Variants in FAAH2 observed in about 807,000 individuals in gnomAD.
The protein encoded by FAAH2 is fatty-acid amide hydrolase 2.
FAAH2 carries 60 observed loss-of-function variants against 36.9 expected under a neutral mutation model. The observed-to-expected ratio is 1.63, with a 90% confidence interval of 1.32 to 2.02. The LOEUF is 2.02. Ranked by LOEUF, FAAH2 falls within the 30% of genes most tolerant of loss-of-function variation. The pLI, the probability that FAAH2 is intolerant of heterozygous loss-of-function variation, is 0.00. For missense variants in FAAH2, 689 were observed against 397.5 expected, an observed-to-expected ratio of 1.73 and a Z score of -6.23; for synonymous variants, 214 against 143.8, an observed-to-expected ratio of 1.49 and a Z score of -3.49.
At chrX:57,173,595 A>T in the FAAH2 span, among the ~76,000 whole-genome samples, 3 of 111,928 alleles carry the variant, frequency 2.7e-5, no homozygotes, top group Non-Finnish European at 5.6e-5. Flanking sequence ...GCTCTGGCTA[A>T]AACTTCTAGC....
the FAAH2 span, among the ~76,000 whole-genome samples, chrX:57,222,963 C>A: frequency 9.0e-6 from 1 of 111,514 alleles, no homozygotes; most frequent in Non-Finnish European, 1.9e-5. Flanking sequence ...TGCTAAGCAC[C>A]ACCTCTAAAA....
intron 7 of FAAH2, among the ~76,000 whole-genome samples, chrX:57,398,981 C>A (rs767823798): frequency 9.0e-6 from 1 of 111,342 alleles, no homozygotes; most frequent in East Asian, 2.8e-4. Context: ...TAGTAGGCAT[C>A]ATGCCATTGA....
At chrX:57,458,186 G>C (rs1386657797) in intron 10 of FAAH2, among the ~76,000 whole-genome samples, 1 of 111,916 alleles carries the variant, frequency 8.9e-6, no homozygotes, top group Non-Finnish European at 1.9e-5. Context: ...GCAAAAGTAA[G>C]CAATGGAGGA....
At chrX:57,217,676 G>A in the FAAH2 span, among the ~76,000 whole-genome samples, 1 of 112,148 alleles carries the variant, frequency 8.9e-6, no homozygotes, top group South Asian at 3.7e-4. Flanking sequence ...CTGTTTTGGT[G>A]ACTATGGCCT....
At chrX:57,142,339 T>G in the FAAH2 span, among the ~76,000 whole-genome samples, 19 of 112,507 alleles carry the variant, frequency 1.7e-4, no homozygotes, top group South Asian at 6.9e-3. Flanking sequence ...TTTAAAAATT[T>G]CCTTCTTAAT....
At chrX:57,182,636 G>A in the FAAH2 span, among the ~76,000 whole-genome samples, 267 of 111,129 alleles carry the variant, frequency 2.4e-3, 1 homozygote, top group African/African-American at 8.4e-3. Flanking sequence ...AAAGCAGTGC[G>A]GCACAACTCC....
the FAAH2 span, among the ~76,000 whole-genome samples, chrX:57,227,235 A>T: frequency 9.0e-6 from 1 of 110,716 alleles, no homozygotes; most frequent in Non-Finnish European, 1.9e-5. Flanking sequence ...GTTTTGTCAT[A>T]TTACCAGGGT....
the FAAH2 span, among the ~76,000 whole-genome samples, chrX:57,272,899 T>A: frequency 8.9e-6 from 1 of 111,971 alleles, no homozygotes; most frequent in Non-Finnish European, 1.9e-5. Context: ...CAGAATCAAA[T>A]TCACACATTA....
chrX:57,256,582 C>T, the FAAH2 span, among the ~76,000 whole-genome samples: 1 of 111,489 alleles, frequency 9.0e-6, no homozygotes, highest in African/African-American at 3.3e-5. Flanking sequence ...AACCTAGGAC[C>T]ATAAAAATTC....
chrX:57,181,054 A>G, the FAAH2 span, among the ~76,000 whole-genome samples: 1 of 111,833 alleles, frequency 8.9e-6, no homozygotes, highest in Non-Finnish European at 1.9e-5. Flanking sequence ...ATAGATACAG[A>G]AAAGGTTTTT....
At chrX:57,459,918 A>C (rs760256844) in intron 10 of FAAH2, among the ~76,000 whole-genome samples, 27 of 111,887 alleles carry the variant, frequency 2.4e-4, no homozygotes, top group Non-Finnish European at 4.5e-4. Context: ...TGAAACTTCC[A>C]AAAACAAGAA....
the FAAH2 span, among the ~76,000 whole-genome samples, chrX:57,196,949 T>A: frequency 8.9e-6 from 1 of 112,219 alleles, no homozygotes; most frequent in Non-Finnish European, 1.9e-5. Context: ...ATGTTTTCCT[T>A]TATTTCTTCA....
intron 3 of FAAH2, among the ~76,000 whole-genome samples, chrX:57,316,420 A>G (rs1460804754): frequency 1.8e-5 from 2 of 111,958 alleles, no homozygotes; most frequent in Non-Finnish European, 3.8e-5. Flanking sequence ...TGAATAGCCA[A>G]AGCAATCCTA....
rs999696774 is a variant in FAAH2, at chrX:57,393,221, G to A, written c.996+12192G>A. 8.0e-5 allele frequency: 96 copies of A among 1,199,559 alleles called. No individual in the cohort carries two copies. In the South Asian group the frequency reaches 1.3e-3, roughly 16 times the overall value. On this transcript the variant is annotated intron_variant, in intron 7 of 10. Coordinates refer to ENST00000374900, the MANE Select transcript of FAAH2 (RefSeq NM_174912.4). ...AATTCCAAACATTCTGGCATTTTCA[G>A]TTTGTTTCTTCAAGTTACTGAAGCC...
chrX:57,280,990 G>A, the FAAH2 span, among the ~76,000 whole-genome samples: 4 of 112,139 alleles, frequency 3.6e-5, no homozygotes, highest in Admixed American at 9.5e-5. Context: ...AATACTGCAC[G>A]ATTTGTTTTA....
the FAAH2 span, among the ~76,000 whole-genome samples, chrX:57,133,400 G>C: frequency 3.0e-4 from 34 of 111,675 alleles, no homozygotes; most frequent in Non-Finnish European, 5.5e-4. Context: ...ATCAAAGCAA[G>C]TCAAAGGGGC....
At chrX:57,274,931 A>C in the FAAH2 span, among the ~76,000 whole-genome samples, 2 of 111,922 alleles carry the variant, frequency 1.8e-5, no homozygotes. Flanking sequence ...AAAGCAATAA[A>C]GTGTATTCAG....
At chrX:57,430,902 G>A (rs1482122110) in intron 7 of FAAH2, among the ~76,000 whole-genome samples, 1 of 111,849 alleles carries the variant, frequency 8.9e-6, no homozygotes, top group African/African-American at 3.2e-5. Context: ...CCCAAGGTCG[G>A]GGAGAAGATC....
At chrX:57,388,358 T>TG (rs1197604643) in intron 7 of FAAH2, among the ~76,000 whole-genome samples, 2 of 111,251 alleles carry the variant, frequency 1.8e-5, no homozygotes, top group Non-Finnish European at 3.8e-5. Context: ...TCAAACTTTG[T>TG]GGGGGATATT....
Sources: gnomAD v4.1 joint callset for allele counts (sites outside exome capture counted in the v4.1 genomes callset) on GRCh38, gnomAD v4.1.1 for gene constraint, MANE v1.5 for transcripts, NCBI Gene and HGNC (gene_info 2026-07-23, HGNC 2026-07-21) for gene names.